Variants in GRAMD4 observed in about 807,000 individuals in gnomAD.
The protein encoded by GRAMD4 is GRAM domain containing 4, also known as GRAM domain-containing protein 4.
A neutral mutation model predicts 83.9 loss-of-function variants in GRAMD4; 25 were observed. The observed-to-expected ratio is 0.30, with a 90% CI of 0.22 to 0.42. GRAMD4 has a LOEUF of 0.42. GRAMD4 is among the 10% of genes least tolerant of loss of function. GRAMD4 has a pLI of 1.00. For synonymous variants in GRAMD4, 336 were observed against 320.9 expected, an observed-to-expected ratio of 1.05 and a Z score of -0.50; for missense variants, 593 against 788.7, an observed-to-expected ratio of 0.75 and a Z score of 2.97.
At chr22:46,592,751 C>G (rs1008372800) in intron 1 of GRAMD4, among the ~76,000 whole-genome samples, 4 of 152,156 alleles carry the variant, frequency 2.6e-5, no homozygotes, top group Non-Finnish European at 5.9e-5. Flanking sequence ...TGACACCGCG[C>G]CCGGCACCTC....
intron 1 of GRAMD4, among the ~76,000 whole-genome samples, chr22:46,606,857 C>T (rs2081370514): frequency 1.3e-5 from 2 of 152,258 alleles, no homozygotes; most frequent in African/African-American, 4.8e-5. Context: ...CTTTGTGTCC[C>T]TGCTTTCAGC....
chr22:46,672,979 C>T lies in GRAMD4; in HGVS notation c.1221C>T (p.Ser407=), dbSNP rs777161506. The T allele has an allele frequency of 8.7e-5, 139 of 1,603,922 alleles. No homozygotes were observed. The highest frequency in any genetic ancestry group is 1.1e-4 in the Non-Finnish European group (132 of 1,178,166). Residue 407 remains serine (S), a synonymous_variant, in exon 14 of 19, where the codon AGC becomes AGT. Transcript: ENST00000406902. This position sits in a 1 kb window ranked among gnomAD's most constrained non-coding sequence, Gnocchi z 4.7. Reference sequence around the variant, plus strand: ...ACCCGCAGCTCAAGGAGCGCTCCAGCGCCGCAGTCTCACGCAGGGTGAGCC... The same window carrying T: ...ACCCGCAGCTCAAGGAGCGCTCCAGTGCCGCAGTCTCACGCAGGGTGAGCC... ...PTDPQLKERS[S]AAVSRRLQTT...
upstream of GRAMD4, among the ~76,000 whole-genome samples, chr22:46,619,878 C>T (rs918262115): frequency 4.6e-5 from 7 of 152,150 alleles, no homozygotes; most frequent in African/African-American, 1.2e-4. Flanking sequence ...TCAACATCTG[C>T]GAGTCCCCCA....
intron 2 of GRAMD4, among the ~76,000 whole-genome samples, chr22:46,630,972 CT>C (rs1601595955): frequency 6.6e-6 from 1 of 151,596 alleles, no homozygotes; most frequent in Non-Finnish European, 1.5e-5. Context: ...CCCTCCATAG[CT>C]CCCTCGAGGG....
At chr22:46,660,709 CCGTGCCCTG>C (rs2082314043) in intron 4 of GRAMD4, among the ~76,000 whole-genome samples, 1 of 152,226 alleles carries the variant, frequency 6.6e-6, no homozygotes, top group Non-Finnish European at 1.5e-5. Context: ...GCTTACCTGG[CCGTGCCCTG>C]TGTGCCCTGT....
intron 16 of GRAMD4, among the ~76,000 whole-genome samples, chr22:46,675,193 C>T (rs745976425): frequency 1.3e-5 from 2 of 151,540 alleles, no homozygotes; most frequent in East Asian, 3.9e-4. Context: ...GAGCAGTGGC[C>T]GTGAGTGTCT....
chr22:46,664,567 A>G (rs1438957574), intron 8 of GRAMD4, among the ~76,000 whole-genome samples: 3 of 152,160 alleles, frequency 2.0e-5, no homozygotes. Context: ...GCCAGGGCCC[A>G]CATTGCCAGG....
downstream of GRAMD4, among the ~76,000 whole-genome samples, chr22:46,680,792 A>T (rs1325204222): frequency 1.0e-5 from 1 of 97,732 alleles, no homozygotes; most frequent in Non-Finnish European, 2.0e-5. Flanking sequence ...CCACCCACCT[A>T]TCCATTCACC....
At chr22:46,580,836 G>T (rs569385443) in intron 1 of GRAMD4, among the ~76,000 whole-genome samples, 2 of 151,960 alleles carry the variant, frequency 1.3e-5, no homozygotes, top group Admixed American at 6.6e-5. Context: ...GCGTGTTGGC[G>T]CATGTCTGTC....
chr22:46,682,531 C>G (rs749400556), downstream of GRAMD4: 1 of 679,464 alleles, frequency 1.5e-6, no homozygotes, highest in Non-Finnish European at 1.8e-6. Flanking sequence ...GGGACTGCGA[C>G]GAGGGCGCCC....
chr22:46,581,706 T>C (rs972909196), intron 1 of GRAMD4, among the ~76,000 whole-genome samples: 1 of 152,260 alleles, frequency 6.6e-6, no homozygotes, highest in Non-Finnish European at 1.5e-5. Context: ...TAGCTGCATT[T>C]CACGCAGGAG....
At chr22:46,579,302 G>GT (rs1424476218) in intron 1 of GRAMD4, among the ~76,000 whole-genome samples, 1 of 152,234 alleles carries the variant, frequency 6.6e-6, no homozygotes, top group Non-Finnish European at 1.5e-5. Flanking sequence ...GGCGTTAGGT[G>GT]ATCTTTGCTC....
intron 2 of GRAMD4, among the ~76,000 whole-genome samples, chr22:46,630,459 A>G (rs950314480): frequency 6.6e-6 from 1 of 152,204 alleles, no homozygotes; most frequent in Non-Finnish European, 1.5e-5. Context: ...GGCCATGCAG[A>G]GGCCCGAGAT....
At chr22:46,615,459 GTGTGTAGGTTCCCCCT>G (rs1432992567), upstream of GRAMD4, among the ~76,000 whole-genome samples, 6 of 144,760 alleles carry the variant, frequency 4.1e-5, no homozygotes, top group Non-Finnish European at 7.6e-5. Flanking sequence ...CGGTTTCCCC[GTGTGTAGGTTCCCCCT>G]TGTGTAGGTT....
chr22:46,587,003 C>T (rs1010199269), intron 1 of GRAMD4, among the ~76,000 whole-genome samples: 7 of 152,198 alleles, frequency 4.6e-5, no homozygotes, highest in Admixed American at 6.5e-5. Context: ...AGAACCGGAC[C>T]GTAACTACCC....
At chr22:46,660,940 C>T (rs2542041) in intron 4 of GRAMD4, among the ~76,000 whole-genome samples, 1,858 of 152,328 alleles carry the variant, frequency 0.012, 30 homozygotes, top group African/African-American at 0.043. Flanking sequence ...CCAGTCCAGG[C>T]AGGTCGCTGG....
intron 11 of GRAMD4, 69 bp downstream of exon 11, chr22:46,668,236 C>A (rs886265513): frequency 1.8e-6 from 2 of 1,121,066 alleles, no homozygotes; most frequent in Non-Finnish European, 2.7e-6. Context: ...GGTGTGTCTA[C>A]GCCGGCCAGG....
rs144676263 is a variant in GRAMD4 at position 46,585,283 on chromosome 22, C to T, written c.-50+7993C>T. ...GTGGCTCATTGCAACCTCCACCTCC[C>T]AGGTTCAAGTGATTCTCCTGCCTCA... is the stretch of plus-strand genomic sequence containing the variant. On this transcript the variant is annotated intron_variant, in intron 1 of 1. Transcript: ENST00000431155. 6.0e-3 allele frequency among the ~76,000 whole-genome samples: 904 copies of T among 151,920 alleles called. 13 individuals carry two copies. The highest frequency in any genetic ancestry group is 0.021 in the African/African-American group (870 of 41,404).
chr22:46,626,231 G>T (rs2081656634), intron 1 of GRAMD4, among the ~76,000 whole-genome samples: 1 of 152,254 alleles, frequency 6.6e-6, no homozygotes, highest in African/African-American at 2.4e-5. Flanking sequence ...GCATCTGCTG[G>T]TTTCCAGGCG....
Sources: gnomAD v4.1 joint callset for allele counts (sites outside exome capture counted in the v4.1 genomes callset) on GRCh38, gnomAD v4.1.1 for gene constraint, Gnocchi (gnomAD v3.1) non-coding constraint, MANE v1.5 for transcripts, NCBI Gene and HGNC (gene_info 2026-07-23, HGNC 2026-07-21) for gene names.